The following FAF1 variants were observed in gnomAD, a reference collection of about 807,000 sequenced individuals.
FAF1 encodes FAS-associated factor 1.
Under a neutral mutation model 92.5 loss-of-function variants are expected in FAF1, and 25 were observed. The observed-to-expected ratio is 0.27, with a 90% CI of 0.20 to 0.38. FAF1 has a LOEUF of 0.38. Among genes scored for constraint, FAF1 ranks in the 10% least tolerant of loss-of-function variants. The probability of loss-of-function intolerance (pLI) is 1.00; values close to 1 mark genes in which losing one functional copy is unlikely to be tolerated. For missense variants in FAF1, 636 were observed against 793.3 expected (o/e 0.80, Z 2.38); for synonymous variants, 234 against 273.2 (o/e 0.86, Z 1.42).
chr1:50,905,070 T>A (rs772625345), intron 1 of FAF1, among the ~76,000 whole-genome samples: 8 of 152,136 alleles, frequency 5.3e-5, no homozygotes, highest in Non-Finnish European at 1.2e-4. Context: ...CGGTGTGTGA[T>A]GTTCCCCACC....
intron 4 of FAF1, among the ~76,000 whole-genome samples, chr1:50,777,269 AT>A (rs1330582557): frequency 2.0e-5 from 3 of 151,426 alleles, no homozygotes; most frequent in African/African-American, 4.9e-5. Context: ...AAAAAAAAAA[AT>A]TTGCCAAACA....
At chr1:50,927,164 T>C (rs1490579386) in intron 1 of FAF1, among the ~76,000 whole-genome samples, 3 of 152,138 alleles carry the variant, frequency 2.0e-5, no homozygotes, top group Non-Finnish European at 2.9e-5. Flanking sequence ...GTTCTAGAGA[T>C]GAGTGGTGGT....
At chr1:50,714,976 A>ACAG in intron 6 of FAF1, 1 of 419,542 alleles carries the variant, frequency 2.4e-6, no homozygotes, top group Non-Finnish European at 4.7e-6. Context: ...GGTTTCAAAC[A>ACAG]CTGTAACAGA....
chr1:50,852,428 A>C (rs1380142392), intron 2 of FAF1, among the ~76,000 whole-genome samples: 4 of 152,242 alleles, frequency 2.6e-5, no homozygotes, highest in African/African-American at 4.8e-5. Flanking sequence ...ATTAATAAGA[A>C]ACACAATTCC....
At chr1:50,770,050 T>TA (rs1317261496) in intron 4 of FAF1, among the ~76,000 whole-genome samples, 7 of 152,162 alleles carry the variant, frequency 4.6e-5, no homozygotes, top group Admixed American at 6.5e-5. Context: ...GACTCTGTAT[T>TA]AAAAAAACAA....
intron 7 of FAF1, among the ~76,000 whole-genome samples, chr1:50,667,774 A>AT (rs987531813): frequency 6.6e-6 from 1 of 152,068 alleles, no homozygotes; most frequent in African/African-American, 2.4e-5. Context: ...AAGAAAAAAG[A>AT]TTTTTTTTCC....
At chr1:50,827,660 A>AAATT (rs1405044174) in intron 2 of FAF1, among the ~76,000 whole-genome samples, 1 of 152,120 alleles carries the variant, frequency 6.6e-6, no homozygotes, top group Non-Finnish European at 1.5e-5. Context: ...ATAAATAAAT[A>AAATT]AATTCCAGAC....
At chr1:50,959,641 C>A in intron 1 of FAF1, 126 bp downstream of exon 1, 1 of 674,300 alleles carries the variant, frequency 1.5e-6, no homozygotes, top group East Asian at 3.4e-5. Context: ...ACACACACGC[C>A]ACGCACCGTA....
intron 5 of FAF1, among the ~76,000 whole-genome samples, chr1:50,741,662 G>A (rs1338177586): frequency 6.6e-6 from 1 of 152,168 alleles, no homozygotes; most frequent in Non-Finnish European, 1.5e-5. Context: ...ACTAAAAAGT[G>A]GCCATGGTTG....
In FAF1 at chr1:50,564,258, T is replaced by A. The variant is rs1650068859; in HGVS notation, c.1268+2819A>T. Among the ~76,000 whole-genome samples the A allele has an allele frequency of 2.9e-5, 4 of 137,920 alleles. No homozygotes were observed. The South Asian group carries it at 8.5e-4, about 29-fold the overall frequency. The allele number at this position is 137,920 out of a possible 152,430, so 90.5% of individuals were successfully genotyped here. On this transcript the variant is annotated intron_variant, in intron 13 of 18. Transcript: ENST00000396153. Reference sequence around the variant, plus strand: ...GTCCTAGGAAACCACTACAAAAACATCCAAATGGCTTACAGGTCCAGGACT... The same window carrying A: ...GTCCTAGGAAACCACTACAAAAACAACCAAATGGCTTACAGGTCCAGGACT...
chr1:50,554,982 G>A lies in FAF1; in HGVS notation c.1268+12095C>T, dbSNP rs933505851. ...CTGCACAAACAATGAGAAAACAGTT[G>A]TAATGAAAAATTGTGGTTTCTATGA... is the stretch of plus-strand genomic sequence containing the variant. On this transcript the variant is annotated intron_variant, in intron 13 of 18. Coordinates refer to ENST00000396153, the MANE Select transcript of FAF1 (RefSeq NM_007051.3). Among the ~76,000 whole-genome samples the A allele has an allele frequency of 3.9e-5, 6 of 152,130 alleles. No homozygotes were observed. The East Asian group carries it at 1.2e-3, about 29-fold the overall frequency.
intron 1 of FAF1, among the ~76,000 whole-genome samples, chr1:50,918,191 AT>A (rs563259409): frequency 0.014 from 1,912 of 134,342 alleles, 10 homozygotes; most frequent in African/African-American, 0.025. Context: ...TTTTTTTTTA[AT>A]TTTTTTTTTT....
chr1:50,847,056 G>C (rs377642151), intron 2 of FAF1, among the ~76,000 whole-genome samples: 7 of 152,076 alleles, frequency 4.6e-5, no homozygotes, highest in Non-Finnish European at 1.0e-4. Flanking sequence ...TGATACAAGC[G>C]GATCATTCTT....
At chr1:50,791,568 T>C (rs1661566737) in intron 3 of FAF1, among the ~76,000 whole-genome samples, 1 of 152,162 alleles carries the variant, frequency 6.6e-6, no homozygotes, top group Non-Finnish European at 1.5e-5. Flanking sequence ...ACCCTGTAGG[T>C]CTTCTGCTCT....
At chr1:50,931,472 G>C (rs1214095388) in intron 1 of FAF1, among the ~76,000 whole-genome samples, 1 of 152,150 alleles carries the variant, frequency 6.6e-6, no homozygotes. Flanking sequence ...GGAGGTGAAA[G>C]GCACTTCTTA....
chr1:50,940,863 T>C (rs373414046), intron 1 of FAF1, among the ~76,000 whole-genome samples: 49 of 152,306 alleles, frequency 3.2e-4, no homozygotes, highest in African/African-American at 1.0e-3. Context: ...GGGAAGATTT[T>C]GTTTCTCCAT....
rs181829065 is a variant in FAF1, at chr1:50,852,630, G to A, written c.114+5299C>T. On this transcript the variant is annotated intron_variant, in intron 2 of 18. Transcript: ENST00000396153. ...AAGTAATCTTAAAATGTGGTTTACC[G>A]CTATGACAATTCCTCATGAACTGAC... 2.4e-3 allele frequency among the ~76,000 whole-genome samples: 362 copies of A among 152,232 alleles called. 1 individual carries two copies. The highest frequency in any genetic ancestry group is 8.3e-3 in the African/African-American group (346 of 41,560).
At chr1:50,442,756 A>G (rs957566149) in intron 18 of FAF1, among the ~76,000 whole-genome samples, 1 of 152,232 alleles carries the variant, frequency 6.6e-6, no homozygotes, top group Admixed American at 6.5e-5. Context: ...GGCCAAGGCC[A>G]AGTATCAAAG....
intron 17 of FAF1, among the ~76,000 whole-genome samples, chr1:50,485,085 C>G (rs1037657985): frequency 2.4e-4 from 36 of 151,192 alleles, no homozygotes; most frequent in African/African-American, 8.8e-4. Context: ...GCACATGTAC[C>G]CTAGAACTTA....
Sources: gnomAD v4.1 joint callset for allele counts (sites outside exome capture counted in the v4.1 genomes callset) on GRCh38, gnomAD v4.1.1 for gene constraint, MANE v1.5 for transcripts, NCBI Gene and HGNC (gene_info 2026-07-23, HGNC 2026-07-21) for gene names.